Variants in EXD3 observed in about 807,000 individuals in gnomAD.
EXD3 encodes the protein exonuclease 3'-5' domain containing 3.
In EXD3, 92 loss-of-function variants were observed where a neutral mutation model predicts 98.0. That is an observed-to-expected ratio of 0.94 (90% CI 0.79 to 1.12). The LOEUF (loss-of-function observed/expected upper bound fraction) is 1.12, where lower values mean the gene tolerates loss of function less well. Among genes scored for constraint, EXD3 ranks in the 50% most tolerant of loss-of-function variants. The pLI is 0.00. For synonymous variants in EXD3, 569 were observed against 526.0 expected, an observed-to-expected ratio of 1.08 and a Z score of -1.12; for missense variants, 1,222 against 1,191.6, an observed-to-expected ratio of 1.03 and a Z score of -0.38.
intron 17 of EXD3, among the ~76,000 whole-genome samples, chr9:137,333,965 C>T (rs1833228481): frequency 1.3e-5 from 2 of 152,056 alleles, no homozygotes; most frequent in Admixed American, 6.6e-5. Flanking sequence ...GCCTCAGCCT[C>T]CCGAGTAGCT....
chr9:137,353,219 A>G lies in EXD3; in HGVS notation c.871-433T>C, dbSNP rs959917043. The G allele has an allele frequency of 1.1e-4, 105 of 980,328 alleles. 1 individual carries two copies. Among genetic ancestry groups the G allele is most frequent in the Non-Finnish European group, 1.2e-4 (99 of 828,260 alleles). The allele number at this position is 980,328 out of a possible 1,614,324, so 60.7% of individuals were successfully genotyped here. A position where few individuals can be genotyped will look rare whatever the true frequency, so the allele number is the denominator to read the frequency against. On this transcript the variant is annotated intron_variant, in intron 10 of 21. Coordinates refer to ENST00000340951, the MANE Select transcript of EXD3 (RefSeq NM_017820.5). ...CAGCCCTCCTGGCCTCCAAGCCTCC[A>G]CTGACCTTTCCAGCCTCCAAGCCTC...
At chr9:137,417,094 C>T (rs1281154612) in intron 1 of EXD3, among the ~76,000 whole-genome samples, 2 of 152,346 alleles carry the variant, frequency 1.3e-5, no homozygotes, top group East Asian at 3.9e-4. Flanking sequence ...TCGTGACGAC[C>T]GAGCTCCCGG....
intron 19 of EXD3, among the ~76,000 whole-genome samples, chr9:137,311,303 G>A (rs1441260749): frequency 6.6e-6 from 1 of 152,220 alleles, no homozygotes; most frequent in Non-Finnish European, 1.5e-5. Flanking sequence ...GGCTTCCTGG[G>A]CAGGTGTGTG....
At chr9:137,322,610 A>G (rs1209066476) in intron 19 of EXD3, among the ~76,000 whole-genome samples, 2 of 60,284 alleles carry the variant, frequency 3.3e-5, no homozygotes, top group Non-Finnish European at 3.1e-5. Flanking sequence ...CTCTGCCGAC[A>G]CCTCACCCCG....
rs1835736917 is a variant in EXD3, at chr9:137,373,375, G to GAGGGGC, written c.294+45_294+50dup. 2.8e-5 allele frequency: 44 copies of GAGGGGC among 1,583,324 alleles called. No individual in the cohort carries two copies. In the South Asian group the frequency reaches 4.4e-4, roughly 16 times the overall value. ...AGGTGGATGCCGGGTCCACTATGCT[G>GAGGGGC]AGGGGCAGGGGCAGGAAGGGAGGTG... On this transcript the variant is annotated intron_variant, in intron 4 of 21. Coordinates refer to ENST00000340951, the MANE Select transcript of EXD3 (RefSeq NM_017820.5).
intron 1 of EXD3, among the ~76,000 whole-genome samples, chr9:137,410,321 C>A (rs1405769660): frequency 6.6e-6 from 1 of 151,716 alleles, no homozygotes; most frequent in Non-Finnish European, 1.5e-5. Context: ...CCCGTCTCTA[C>A]TAAAAATACA....
chr9:137,405,467 G>A lies in EXD3; in HGVS notation c.-47-10063C>T, dbSNP rs1837671156. ...GCCGCGGACGGAGCCCAGGGCGGCC[G>A]TCGCAGGCCACTCACCCGTCCCCAG... is the stretch of plus-strand genomic sequence containing the variant. On this transcript the variant is annotated intron_variant, in intron 1 of 21. Coordinates refer to ENST00000340951, the MANE Select transcript of EXD3 (RefSeq NM_017820.5). This position sits in a 1 kb window ranked among gnomAD's most constrained non-coding sequence, Gnocchi z 4.1. Among the ~76,000 whole-genome samples the A allele has an allele frequency of 6.6e-6, 1 of 152,230 alleles. No homozygotes were observed. Among genetic ancestry groups the A allele is most frequent in the Non-Finnish European group, 1.5e-5 (1 of 68,038 alleles).
intron 9 of EXD3, 134 bp downstream of exon 9, chr9:137,354,566 C>G (rs1195751874): frequency 1.3e-6 from 2 of 1,540,506 alleles, no homozygotes; most frequent in South Asian, 2.4e-5. Context: ...GCCCAGCTCA[C>G]CCAGCTCTGG....
At chr9:137,316,570 G>A (rs1831675906) in intron 19 of EXD3, among the ~76,000 whole-genome samples, 1 of 152,240 alleles carries the variant, frequency 6.6e-6, no homozygotes, top group African/African-American at 2.4e-5. Flanking sequence ...CCGGGAGGCA[G>A]GGCCCCAGTA....
intron 17 of EXD3, among the ~76,000 whole-genome samples, chr9:137,334,204 G>A (rs1320246114): frequency 6.6e-6 from 1 of 152,174 alleles, no homozygotes; most frequent in African/African-American, 2.4e-5. Context: ...GTTTCACCAT[G>A]TTGGCCGGGC....
intron 5 of EXD3, among the ~76,000 whole-genome samples, chr9:137,372,277 G>A (rs118191273): frequency 6.6e-6 from 1 of 152,354 alleles, no homozygotes; most frequent in East Asian, 1.9e-4. Flanking sequence ...AGGTGCGACT[G>A]GTGCCCTGGC....
chr9:137,411,747 G>A (rs1389889248), intron 1 of EXD3, among the ~76,000 whole-genome samples: 1 of 132,616 alleles, frequency 7.5e-6, no homozygotes, highest in East Asian at 2.7e-4. Flanking sequence ...GGGGGTGGGG[G>A]AGTGGGAGGG....
intron 2 of EXD3, among the ~76,000 whole-genome samples, chr9:137,388,916 G>A (rs1011306144): frequency 1.3e-5 from 2 of 152,102 alleles, no homozygotes; most frequent in African/African-American, 2.4e-5. Context: ...ACAGCACCCC[G>A]CCTGGGTCAG....
intron 1 of EXD3, among the ~76,000 whole-genome samples, chr9:137,398,026 T>C (rs1407115205): frequency 6.6e-6 from 1 of 152,090 alleles, no homozygotes; most frequent in Non-Finnish European, 1.5e-5. Flanking sequence ...TATATGAAAC[T>C]ACATAAAAGA....
chr9:137,367,291 C>A (rs763075151), intron 6 of EXD3, among the ~76,000 whole-genome samples: 11 of 152,138 alleles, frequency 7.2e-5, no homozygotes, highest in Non-Finnish European at 1.5e-4. Flanking sequence ...TCTTGTAGAC[C>A]TGGAGTCTGC....
chr9:137,311,956 C>T (rs1190595584), intron 19 of EXD3, among the ~76,000 whole-genome samples: 2 of 152,106 alleles, frequency 1.3e-5, no homozygotes, highest in East Asian at 3.9e-4. Context: ...CTGAGACCCG[C>T]CCCCCAGCAC....
At chr9:137,331,670 C>T (rs973301579) in intron 17 of EXD3, among the ~76,000 whole-genome samples, 14 of 152,158 alleles carry the variant, frequency 9.2e-5, no homozygotes, top group African/African-American at 3.4e-4. Context: ...AATCCCAGCA[C>T]TTTGGGAGGC....
chr9:137,410,352 G>A (rs1837934116), intron 1 of EXD3, among the ~76,000 whole-genome samples: 1 of 151,968 alleles, frequency 6.6e-6, no homozygotes, highest in Non-Finnish European at 1.5e-5. Context: ...AGGCGCGGTG[G>A]TGGGTGCCTG....
chr9:137,408,859 C>G (rs1185453162), intron 1 of EXD3, among the ~76,000 whole-genome samples: 2 of 152,232 alleles, frequency 1.3e-5, no homozygotes, highest in Non-Finnish European at 2.9e-5. Context: ...TGTCTCTCAC[C>G]ATCAGGCTGG....
Sources: gnomAD v4.1 joint callset for allele counts (sites outside exome capture counted in the v4.1 genomes callset) on GRCh38, gnomAD v4.1.1 for gene constraint, Gnocchi (gnomAD v3.1) non-coding constraint, MANE v1.5 for transcripts, NCBI Gene and HGNC (gene_info 2026-07-23, HGNC 2026-07-21) for gene names.